Variants in DGKE observed in about 807,000 individuals in gnomAD.
DGKE encodes the protein DAG kinase epsilon.
DGKE carries 53 observed loss-of-function variants against 70.0 expected under a neutral mutation model. The observed-to-expected ratio is 0.76, with a 90% CI of 0.61 to 0.95. DGKE has a LOEUF of 0.95. Among genes scored for constraint, DGKE ranks in the 40% least tolerant of loss-of-function variants. DGKE has a pLI of 0.00. For synonymous variants in DGKE, 291 were observed against 257.0 expected (o/e 1.13, Z -1.27); for missense variants, 655 against 706.9 (o/e 0.93, Z 0.83).
chr17:56,857,946 G>A (rs767817923), intron 8 of DGKE, among the ~76,000 whole-genome samples: 2 of 151,808 alleles, frequency 1.3e-5, no homozygotes, highest in East Asian at 1.9e-4. Context: ...GGTGGTGCAC[G>A]CCTGTAGTCC....
Position 56,834,942 on chromosome 17 carries a change from G to A in DGKE, c.147G>A (p.Leu49=). 4 of 1,613,224 alleles carry A rather than the reference G, an allele frequency of 2.5e-6. No individual in the cohort carries two copies. The highest frequency in any genetic ancestry group is 3.4e-6 in the Non-Finnish European group (4 of 1,179,936). The change falls in exon 2 of 12, where the codon CTG becomes CTA. Residue 49 remains leucine (L), a synonymous_variant. Transcript: ENST00000284061. ...WCSLQRSRRQ[L]HRRDIFRKSK... ...GCCTCCAGCGGTCGCGCCGGCAGCT[G>A]CACCGCAGGGACATCTTCCGCAAGA... is the stretch of plus-strand genomic sequence containing the variant.
At chr17:56,845,965 G>A (rs1907261447) in intron 4 of DGKE, 156 bp downstream of exon 4, 1 of 700,508 alleles carries the variant, frequency 1.4e-6, no homozygotes, top group African/African-American at 1.9e-5. Flanking sequence ...AGGCACTCTT[G>A]TGGGAATATA....
In DGKE at chr17:56,835,192, C is replaced by T; in HGVS notation, c.397C>T (p.Pro133Ser). The T allele has an allele frequency of 6.2e-7, 1 of 1,614,026 alleles. No homozygotes were observed. The highest frequency in any genetic ancestry group is 2.2e-5 in the East Asian group (1 of 44,884). The change falls in exon 2 of 12, where the codon CCC (proline) becomes TCC (serine). Residue 133 changes from proline (P) to serine (S), a missense_variant. Transcript: ENST00000284061. ...CCACCACTGGATCCGGGGCAACGTG[C>T]CCCTGTGCAGTTACTGTATGGTTTG... ...MPHHWIRGNV[P>S]LCSYCMVCKQ...
intron 4 of DGKE, 142 bp downstream of exon 4, chr17:56,845,951 A>T: frequency 1.2e-6 from 1 of 820,262 alleles, no homozygotes; most frequent in Non-Finnish European, 1.7e-6. Context: ...ATATGTGGAT[A>T]AACAGGCACT....
Position 56,844,127 on chromosome 17 carries a change from TTTAACATCCA to T in DGKE, c.578_587del (p.Thr193IlefsTer14). 1.3e-6 allele frequency: 2 copies of T among 1,582,128 alleles called. No homozygotes were observed. The highest frequency in any genetic ancestry group is 8.6e-7 in the Non-Finnish European group (1 of 1,168,476). On this transcript the variant is annotated frameshift_variant, in exon 3 of 12. Transcript: ENST00000284061. LOFTEE classifies it high-confidence loss of function. ...AAAACCTAATCATTCCACCAAGTTATTTAACATCCATTAATCAGATGCGTAAAGACAAAAA... is the reference window on the plus strand; with the variant it reads ...AAAACCTAATCATTCCACCAAGTTATTTAATCAGATGCGTAAAGACAAAAA...
rs1373443528 is a variant in DGKE at position 56,869,463 on chromosome 17, T to TA, written c.*6673dup. 2.0e-5 allele frequency: 3 copies of TA among 152,390 alleles called. No homozygotes were observed. In the East Asian group the frequency reaches 5.8e-4, roughly 29 times the overall value. 9.4% of individuals were successfully genotyped at this position (152,390 alleles called of 1,614,324 possible). A position where few individuals can be genotyped will look rare whatever the true frequency, so the allele number is the denominator to read the frequency against. On this transcript the variant is annotated 3_prime_UTR_variant, in exon 12 of 12. Transcript: ENST00000284061. ...GGCATGTAACATCTTTTATTCATTT[T>TA]ATTAGGCATTAGAGGAAGAATATTC... is the stretch of plus-strand genomic sequence containing the variant.
intron 10 of DGKE, 89 bp from the exon 11 acceptor site, chr17:56,862,051 A>G: frequency 6.6e-7 from 1 of 1,526,048 alleles, no homozygotes; most frequent in Non-Finnish European, 8.9e-7. Context: ...TTTTAAGTTG[A>G]TGGTCCAACT....
rs768978926 is a variant in DGKE, at chr17:56,834,852, C to T, written c.57C>T (p.Asp19=). 1.1e-5 allele frequency: 18 copies of T among 1,611,528 alleles called. No individual in the cohort carries two copies. The highest frequency in any genetic ancestry group is 1.4e-5 in the Non-Finnish European group (17 of 1,179,048). Residue 19 remains aspartate (D), a synonymous_variant, in exon 2 of 12, where the codon GAC becomes GAT. Transcript: ENST00000284061. The stretch of plus-strand genomic sequence containing the variant: ...CGCCCTCCGAGGGCCTGTTTGCGGA[C>T]GGGCACCTGATCTTGTGGACGCTGT... ...PGSPSEGLFA[D]GHLILWTLCS...
intron 8 of DGKE, 111 bp from the exon 9 acceptor site, chr17:56,858,483 G>A: frequency 1.2e-6 from 1 of 862,212 alleles, no homozygotes; most frequent in South Asian, 1.9e-5. Flanking sequence ...CTACCATAAG[G>A]AGAATGTGTG....
chr17:56,854,771 CA>C (rs376436549), intron 7 of DGKE, among the ~76,000 whole-genome samples: 5 of 152,254 alleles, frequency 3.3e-5, no homozygotes, highest in African/African-American at 1.2e-4. Flanking sequence ...TTTATCTTAT[CA>C]GAGATCATTC....
At chr17:56,857,432 T>C (rs1434747425) in intron 8 of DGKE, among the ~76,000 whole-genome samples, 1 of 152,226 alleles carries the variant, frequency 6.6e-6, no homozygotes, top group East Asian at 1.9e-4. Flanking sequence ...GCTTAGGAAT[T>C]TTTTTAATAA....
rs1284652499 is a variant in DGKE, at chr17:56,862,221, T to C, written c.1494T>C (p.Pro498=). ...AGATTCAAGTAAAACTGGCTAATCCTTTTCGAATAGGACAGGCACATACAG... is the reference window on the plus strand; with the variant it reads ...AGATTCAAGTAAAACTGGCTAATCCCTTTCGAATAGGACAGGCACATACAG... ...CAQIQVKLAN[P]FRIGQAHTVR... The change falls in exon 11 of 12, where the codon CCT becomes CCC. Residue 498 remains proline (P), a synonymous_variant. Transcript: ENST00000284061. The C allele has an allele frequency of 6.2e-7, 1 of 1,614,148 alleles. No individual in the cohort carries two copies.
In DGKE at chr17:56,864,215, A is replaced by T. The variant is rs1291967654; in HGVS notation, c.*1424A>T. 6.6e-6 allele frequency: 1 copy of T among 152,224 alleles called. No individual in the cohort carries two copies. The highest frequency in any genetic ancestry group is 1.5e-5 in the Non-Finnish European group (1 of 68,046). 9.4% of individuals were successfully genotyped at this position (152,224 alleles called of 1,614,324 possible). A position where few individuals can be genotyped will look rare whatever the true frequency, so the allele number is the denominator to read the frequency against. On this transcript the variant is annotated 3_prime_UTR_variant, in exon 12 of 12. Coordinates refer to ENST00000284061, the MANE Select transcript of DGKE (RefSeq NM_003647.3). Reference sequence around the variant, plus strand: ...AGGTCGGCTGACCCAGAGGGCATCCAGCCTGGTGTTTTTCTGACACATGGC... The same window carrying T: ...AGGTCGGCTGACCCAGAGGGCATCCTGCCTGGTGTTTTTCTGACACATGGC...
At chr17:56,843,245 T>A (rs1238997870) in intron 2 of DGKE, among the ~76,000 whole-genome samples, 1 of 152,224 alleles carries the variant, frequency 6.6e-6, no homozygotes, top group African/African-American at 2.4e-5. Context: ...TAAATATTTT[T>A]AAAATAATAG....
chr17:56,849,750 TA>T (rs1277057572), intron 7 of DGKE, among the ~76,000 whole-genome samples: 9 of 152,252 alleles, frequency 5.9e-5, no homozygotes, highest in Non-Finnish European at 8.8e-5. Context: ...CTGGTTTTTA[TA>T]ACTGAATATA....
chr17:56,852,299 G>A (rs1907697846), intron 7 of DGKE, among the ~76,000 whole-genome samples: 1 of 151,832 alleles, frequency 6.6e-6, no homozygotes, highest in Non-Finnish European at 1.5e-5. Context: ...TGTAATCCCA[G>A]CTACTCGGGA....
At position 56,845,632 on chromosome 17, in the gene DGKE, A is replaced by T. The variant is rs914836785; in HGVS notation, c.625-58A>T. The T allele has an allele frequency of 2.6e-6, 4 of 1,540,954 alleles. No homozygotes were observed. The African/African-American group carries it at 5.6e-5, about 22-fold the overall frequency. ...AGCACCATTGTTCTCAAGGCATGGA[A>T]AATGTGCTTTTCATCTTTAAGATAC... On this transcript the variant is annotated intron_variant, in intron 3 of 11. Coordinates refer to ENST00000284061, the MANE Select transcript of DGKE (RefSeq NM_003647.3).
At position 56,868,914 on chromosome 17, in the gene DGKE, T is replaced by C. The variant is rs919970582; in HGVS notation, c.*6123T>C. ...TTCATTCTCACGCATATAAACTGGC[T>C]CCTGGCAGAGTAGAGCAGTAAGTGG... On this transcript the variant is annotated 3_prime_UTR_variant, in exon 12 of 12. Transcript: ENST00000284061. 1 of 152,200 alleles carries C rather than the reference T, an allele frequency of 6.6e-6. No homozygotes were observed. The highest frequency in any genetic ancestry group is 6.5e-5 in the Admixed American group (1 of 15,290). 9.4% of individuals were successfully genotyped at this position (152,200 alleles called of 1,614,324 possible).
Position 56,863,538 on chromosome 17 carries a change from T to C in DGKE, c.*747T>C, listed in dbSNP as rs1440097224. 3 of 152,234 alleles carry C rather than the reference T, an allele frequency of 2.0e-5. No individual in the cohort carries two copies. The highest frequency in any genetic ancestry group is 7.2e-5 in the African/African-American group (3 of 41,468). 9.4% of individuals were successfully genotyped at this position (152,234 alleles called of 1,614,324 possible). ...TCAGAGCACTTGGGATTGTAAGTTA[T>C]AGGTTCTGAGCTGAACTGTTTATCA... is the stretch of plus-strand genomic sequence containing the variant. On this transcript the variant is annotated 3_prime_UTR_variant, in exon 12 of 12. Coordinates refer to ENST00000284061, the MANE Select transcript of DGKE (RefSeq NM_003647.3).
Sources: allele counts gnomAD v4.1 joint callset (sites outside exome capture counted in the v4.1 genomes callset), GRCh38; gene constraint gnomAD v4.1.1; transcripts MANE v1.5; gene names NCBI Gene and HGNC (gene_info 2026-07-23, HGNC 2026-07-21).